The following PDE4D variants were observed in gnomAD, a reference collection of about 807,000 sequenced individuals.
The protein encoded by PDE4D is 3',5'-cyclic-AMP phosphodiesterase 4D.
In PDE4D, 24 loss-of-function variants were observed where a neutral mutation model predicts 87.4. The observed-to-expected ratio is 0.27, with a 90% CI of 0.20 to 0.39. The LOEUF is 0.39. PDE4D is among the 10% of genes least tolerant of loss of function. PDE4D has a pLI of 1.00. For synonymous variants in PDE4D, 384 were observed against 383.2 expected (o/e 1.00, Z -0.02); for missense variants, 714 against 1,041.0 (o/e 0.69, Z 4.32).
intron 5 of PDE4D, among the ~76,000 whole-genome samples, chr5:59,050,307 T>C (rs1761345266): frequency 6.6e-6 from 1 of 152,010 alleles, no homozygotes; most frequent in African/African-American, 2.4e-5. Flanking sequence ...CACAAAAGAT[T>C]TCCCGAAAAG....
chr5:59,210,589 G>A (rs960877109), intron 2 of PDE4D, among the ~76,000 whole-genome samples: 1 of 152,214 alleles, frequency 6.6e-6, no homozygotes, highest in Admixed American at 6.5e-5. Context: ...TATAGTGCCT[G>A]GGGATAACTT....
chr5:59,993,958 C>T (rs1299105404), intron 2 of PDE4D, among the ~76,000 whole-genome samples: 2 of 151,938 alleles, frequency 1.3e-5, no homozygotes, highest in African/African-American at 2.4e-5. Flanking sequence ...ATGCTTTTTA[C>T]TGCATAAAAT....
At chr5:59,638,353 A>AGT (rs1740954317) in intron 1 of PDE4D, among the ~76,000 whole-genome samples, 1 of 152,144 alleles carries the variant, frequency 6.6e-6, no homozygotes, top group African/African-American at 2.4e-5. Flanking sequence ...TAGTTGGAGG[A>AGT]GTGTGTGTGT....
At chr5:59,940,427 C>T (rs1342727934) in intron 3 of PDE4D, among the ~76,000 whole-genome samples, 6 of 152,080 alleles carry the variant, frequency 3.9e-5, no homozygotes, top group Non-Finnish European at 7.4e-5. Flanking sequence ...TGGCAGATTA[C>T]ACTACAGTAC....
At chr5:59,670,497 C>T (rs540548295) in intron 1 of PDE4D, among the ~76,000 whole-genome samples, 26 of 152,112 alleles carry the variant, frequency 1.7e-4, no homozygotes, top group African/African-American at 6.0e-4. Flanking sequence ...ATATTGTATA[C>T]AATTATTTTC....
chr5:59,845,854 A>AAC (rs765999214), intron 1 of PDE4D, among the ~76,000 whole-genome samples: 2 of 152,064 alleles, frequency 1.3e-5, no homozygotes, highest in Non-Finnish European at 2.9e-5. Flanking sequence ...TTCTGAAGAA[A>AAC]ACACACAGTT....
intron 1 of PDE4D, among the ~76,000 whole-genome samples, chr5:59,520,866 C>T (rs1182810727): frequency 1.3e-5 from 2 of 149,404 alleles, no homozygotes; most frequent in Non-Finnish European, 2.9e-5. Flanking sequence ...TGCACACATA[C>T]ACACACACAT....
chr5:59,357,288 G>A (rs1781539297), intron 1 of PDE4D, among the ~76,000 whole-genome samples: 2 of 152,116 alleles, frequency 1.3e-5, no homozygotes. Flanking sequence ...ACAGGGCTTC[G>A]TTAAAAAATT....
chr5:60,487,524 A>C (rs967522069), intron 1 of PDE4D, among the ~76,000 whole-genome samples: 1 of 152,182 alleles, frequency 6.6e-6, no homozygotes, highest in Admixed American at 6.5e-5. Flanking sequence ...CTGTCCCCAA[A>C]GCATTTATTA....
At chr5:60,197,121 A>ATAGG (rs1741368866) in intron 1 of PDE4D, among the ~76,000 whole-genome samples, 1 of 150,800 alleles carries the variant, frequency 6.6e-6, no homozygotes. Flanking sequence ...AGATAGATAG[A>ATAGG]TAGATTAGAT....
chr5:59,246,898 A>C (rs1758953386), intron 1 of PDE4D, among the ~76,000 whole-genome samples: 1 of 151,710 alleles, frequency 6.6e-6, no homozygotes, highest in Non-Finnish European at 1.5e-5. Flanking sequence ...AAATACACAG[A>C]TACATTATCA....
intron 1 of PDE4D, among the ~76,000 whole-genome samples, chr5:60,250,926 G>A (rs1000862283): frequency 3.3e-5 from 5 of 152,016 alleles, no homozygotes; most frequent in Non-Finnish European, 7.4e-5. Flanking sequence ...CAGTAAGACA[G>A]GGTATGAAGG....
intron 3 of PDE4D, among the ~76,000 whole-genome samples, chr5:59,901,923 AACACACACACACACACACACACAC>A (rs59453461): frequency 7.4e-5 from 10 of 134,340 alleles, no homozygotes; most frequent in Non-Finnish European, 1.1e-4. Context: ...CTTACATGCA[AACACACACACACACACACACACAC>A]ACACACACAC....
At chr5:60,337,585 A>T in intron 1 of PDE4D, among the ~76,000 whole-genome samples, 1 of 151,748 alleles carries the variant, frequency 6.6e-6, no homozygotes, top group South Asian at 2.1e-4. Context: ...AATAAAAGGG[A>T]TGGATTTTAC....
chr5:59,293,281 G>A (rs1181195750), intron 1 of PDE4D, among the ~76,000 whole-genome samples: 1 of 152,044 alleles, frequency 6.6e-6, no homozygotes, highest in Non-Finnish European at 1.5e-5. Context: ...TAAATACCTG[G>A]TGAGTGGCTT....
intron 1 of PDE4D, among the ~76,000 whole-genome samples, chr5:59,291,553 T>C (rs567721184): frequency 3.3e-5 from 5 of 151,914 alleles, no homozygotes; most frequent in Non-Finnish European, 7.4e-5. Context: ...TTATTGTATG[T>C]TTTTTAAGCA....
chr5:60,249,736 T>C (rs767873136), intron 1 of PDE4D, among the ~76,000 whole-genome samples: 1 of 151,978 alleles, frequency 6.6e-6, no homozygotes, highest in Non-Finnish European at 1.5e-5. Context: ...AAAAATTCAT[T>C]TGCAATAGAA....
chr5:59,652,882 G>C (rs60992003), intron 1 of PDE4D, among the ~76,000 whole-genome samples: 1 of 151,470 alleles, frequency 6.6e-6, no homozygotes, highest in African/African-American at 2.4e-5. Context: ...ACAAAATGCT[G>C]AATTCTTTTA....
intron 1 of PDE4D, among the ~76,000 whole-genome samples, chr5:59,667,211 C>T (rs567294298): frequency 1.3e-4 from 20 of 152,242 alleles, no homozygotes; most frequent in East Asian, 1.2e-3. Context: ...ACTAGGCTTA[C>T]CCCACTTCCC....
Sources: allele counts gnomAD v4.1 joint callset (sites outside exome capture counted in the v4.1 genomes callset), GRCh38; gene constraint gnomAD v4.1.1; transcripts MANE v1.5; gene names NCBI Gene and HGNC (gene_info 2026-07-23, HGNC 2026-07-21).